Variants in DRICH1 observed in about 807,000 individuals in gnomAD.
DRICH1 encodes aspartate-rich protein 1.
A neutral mutation model predicts 39.5 loss-of-function variants in DRICH1; 38 were observed. The observed-to-expected ratio is 0.96, with a 90% CI of 0.74 to 1.26. The LOEUF is 1.26. DRICH1 is among the 50% of genes most tolerant of loss of function. The pLI is 0.00. For missense variants in DRICH1, 279 were observed against 270.4 expected, an observed-to-expected ratio of 1.03 and a Z score of -0.22; for synonymous variants, 84 against 99.5, an observed-to-expected ratio of 0.84 and a Z score of 0.93.
chr22:23,586,346 G>A, the DRICH1 span, among the ~76,000 whole-genome samples: 1 of 152,136 alleles, frequency 6.6e-6, no homozygotes, highest in Non-Finnish European at 1.5e-5. Flanking sequence ...AAAACTAGCT[G>A]GGCATGGTGA....
the DRICH1 span, among the ~76,000 whole-genome samples, chr22:23,584,804 G>T: frequency 3.3e-5 from 5 of 152,046 alleles, no homozygotes; most frequent in South Asian, 2.1e-4. Context: ...TTAAACAACA[G>T]TCTTTTTTTT....
rs755151811 is a variant in DRICH1 at position 23,622,197 on chromosome 22, G to T, written c.299-21C>A. The T allele has an allele frequency of 3.7e-6, 6 of 1,608,306 alleles. No homozygotes were observed. In the South Asian group the frequency reaches 4.4e-5, roughly 12 times the overall value. On this transcript the variant is annotated intron_variant, in intron 3 of 11. Transcript: ENST00000317749. ...AGAACCTGGAAGGACACAGAGGAAA[G>T]ATCCGTGCCCTGGTTGATTGTGACT...
rs35643033 is a variant in DRICH1, at chr22:23,630,412, ACTCTCT to A, written c.208+1398_208+1403del. On this transcript the variant is annotated intron_variant, in intron 1 of 11. Coordinates refer to ENST00000317749, the MANE Select transcript of DRICH1 (RefSeq NM_016449.4). ...AAAATCTGGGTTCATTCCTTTCCAC[ACTCTCT>A]CTCTCTCTAAGAAGTAGGGATATTA... Among the ~76,000 whole-genome samples the A allele has an allele frequency of 8.3e-3, 1,254 of 151,138 alleles. 8 individuals are homozygous for A. Among genetic ancestry groups the A allele is most frequent in the Non-Finnish European group, 0.013 (856 of 67,740 alleles).
At chr22:23,594,896 C>A in the DRICH1 span, among the ~76,000 whole-genome samples, 25 of 151,670 alleles carry the variant, frequency 1.6e-4, no homozygotes, top group Non-Finnish European at 2.6e-4. Context: ...GAGGGAGGAG[C>A]CCCTTTGAAA....
intron 2 of DRICH1, 110 bp from the exon 3 acceptor site, chr22:23,625,014 G>T (rs1353399124): frequency 1.6e-6 from 2 of 1,238,832 alleles, no homozygotes; most frequent in African/African-American, 1.5e-5. Flanking sequence ...TTGAAACAGT[G>T]GTTGAGTCCA....
chr22:23,589,546 A>G, the DRICH1 span, among the ~76,000 whole-genome samples: 2 of 152,136 alleles, frequency 1.3e-5, no homozygotes, highest in African/African-American at 4.8e-5. Flanking sequence ...ATGTTCATAT[A>G]TAATAAAAAA....
chr22:23,631,922 C>T lies in DRICH1; in HGVS notation c.102G>A (p.Val34=), dbSNP rs1173366689. ...TAGTGGATTCTGATGTTGCAGCAGCCACAGTCTCATAAATATCAGTATCAG... is the reference window on the plus strand; with the variant it reads ...TAGTGGATTCTGATGTTGCAGCAGCTACAGTCTCATAAATATCAGTATCAG... ...YESDTDIYET[V]AAATSESTTV... is the part of the protein sequence containing the mutation. Residue 34 remains valine, a synonymous_variant, in exon 1 of 12, where the codon GTG becomes GTA. Transcript: ENST00000317749. The T allele has an allele frequency of 1.2e-6, 2 of 1,613,726 alleles. No individual in the cohort carries two copies. The highest frequency in any genetic ancestry group is 2.2e-5 in the South Asian group (2 of 91,036).
Position 23,616,963 on chromosome 22 carries a change from CA to C in DRICH1, c.520-90del, listed in dbSNP as rs564042062. 301 of 1,469,850 alleles carry C rather than the reference CA, an allele frequency of 2.0e-4. 2 individuals carry two copies. In the African/African-American group the frequency reaches 3.6e-3, roughly 18 times the overall value. 91.1% of individuals were successfully genotyped at this position (1,469,850 alleles called of 1,614,324 possible). ...ATCTGTTAGTCTCTTGATGACTTCA[CA>C]AAACTATTTGTAAGACAGTGGTAAG... On this transcript the variant is annotated intron_variant, in intron 7 of 11. Transcript: ENST00000317749.
At chr22:23,592,072 C>T in the DRICH1 span, among the ~76,000 whole-genome samples, 36 of 152,306 alleles carry the variant, frequency 2.4e-4, no homozygotes, top group African/African-American at 7.7e-4. Context: ...TTCCCTCCAG[C>T]GGAAGGCATG....
At position 23,622,959 on chromosome 22, in the gene DRICH1, C is replaced by T. The variant is rs535719572; in HGVS notation, c.299-783G>A. ...GGATAAGTTTCCAGGTTCAAATATA[C>T]ATGATCTATGGAAATGAGGAAATGT... On this transcript the variant is annotated intron_variant, in intron 3 of 11. Transcript: ENST00000317749. Among the ~76,000 whole-genome samples, 3 of 152,294 alleles carry T rather than the reference C, an allele frequency of 2.0e-5. No homozygotes were observed. In the East Asian group the frequency reaches 5.8e-4, roughly 29 times the overall value.
chr22:23,599,101 A>G, the DRICH1 span, among the ~76,000 whole-genome samples: 2 of 152,212 alleles, frequency 1.3e-5, no homozygotes, highest in African/African-American at 4.8e-5. Flanking sequence ...TGGTACAGGG[A>G]CAATAAGGCC....
At chr22:23,625,569 T>C (rs531090119) in intron 2 of DRICH1, among the ~76,000 whole-genome samples, 1 of 152,306 alleles carries the variant, frequency 6.6e-6, no homozygotes, top group Non-Finnish European at 1.5e-5. Context: ...GCTTTGTCTG[T>C]TCTTATCAGC....
At chr22:23,608,871 C>A in intron 11 of DRICH1, 103 bp from the exon 12 acceptor site, 15 of 1,259,236 alleles carry the variant, frequency 1.2e-5, no homozygotes, top group Non-Finnish European at 1.7e-5. Context: ...CCCTGGGCTC[C>A]CGCCTCTGCA....
At position 23,614,805 on chromosome 22, in the gene DRICH1, A is replaced by G. The variant is rs182831814; in HGVS notation, c.542-591T>C. ...TTCTTCTGGAACAACTTCTACACAC[A>G]CTTTTGGACAGCAGCTCCTGTGTCA... On this transcript the variant is annotated intron_variant, in intron 8 of 11. Coordinates refer to ENST00000317749, the MANE Select transcript of DRICH1 (RefSeq NM_016449.4). 9.3e-5 allele frequency among the ~76,000 whole-genome samples: 14 copies of G among 150,278 alleles called. No homozygotes were observed. The East Asian group carries it at 2.3e-3, about 25-fold the overall frequency.
At chr22:23,611,590 A>G (rs1927038728) in intron 11 of DRICH1, among the ~76,000 whole-genome samples, 1 of 152,036 alleles carries the variant, frequency 6.6e-6, no homozygotes. Flanking sequence ...ACGGGGTTTC[A>G]CTGTGTGAGC....
At chr22:23,583,594 A>C in the DRICH1 span, 1 of 152,346 alleles carries the variant, frequency 6.6e-6, no homozygotes, top group African/African-American at 2.4e-5. Context: ...GTGTCCCATG[A>C]ACACTGAGAG....
chr22:23,606,038 C>A (rs1368807897), downstream of DRICH1, among the ~76,000 whole-genome samples: 1 of 150,474 alleles, frequency 6.6e-6, no homozygotes, highest in Non-Finnish European at 1.5e-5. Flanking sequence ...CACGCCACTG[C>A]ACTCCCGCCT....
At chr22:23,591,939 T>TGGG in the DRICH1 span, among the ~76,000 whole-genome samples, 9 of 149,010 alleles carry the variant, frequency 6.0e-5, no homozygotes, top group South Asian at 1.5e-3. Context: ...GGGAGGGGTG[T>TGGG]GGAGGGGGAG....
At chr22:23,586,834 T>C in the DRICH1 span, among the ~76,000 whole-genome samples, 1 of 152,214 alleles carries the variant, frequency 6.6e-6, no homozygotes, top group East Asian at 1.9e-4. Flanking sequence ...TGTGAGCCAC[T>C]GCGTCCAGCC....
Sources: gnomAD v4.1 joint callset for allele counts (sites outside exome capture counted in the v4.1 genomes callset) on GRCh38, gnomAD v4.1.1 for gene constraint, MANE v1.5 for transcripts, NCBI Gene and HGNC (gene_info 2026-07-23, HGNC 2026-07-21) for gene names.